MYO5B: variants seen among roughly 807,000 people sequenced by gnomAD.
MYO5B encodes unconventional myosin-Vb.
Under a neutral mutation model 229.3 loss-of-function variants are expected in MYO5B, and 143 were observed. The ratio of observed to expected loss-of-function variants is 0.62; its 90% CI spans 0.54 to 0.72. The LOEUF (loss-of-function observed/expected upper bound fraction) is 0.72. MYO5B is among the 30% of genes least tolerant of loss of function. MYO5B has a pLI of 0.00. For missense variants in MYO5B, 2,321 were observed against 2,331.0 expected, an observed-to-expected ratio of 1.00 and a Z score of 0.09; for synonymous variants, 918 against 885.2, an observed-to-expected ratio of 1.04 and a Z score of -0.66.
At chr18:50,093,886 G>A (rs552353611) in intron 1 of MYO5B, among the ~76,000 whole-genome samples, 1 of 152,302 alleles carries the variant, frequency 6.6e-6, no homozygotes, top group East Asian at 1.9e-4. Flanking sequence ...TGAACCCTCT[G>A]GTTCTGGGAA....
chr18:49,905,258 T>A (rs1431617046), intron 19 of MYO5B, among the ~76,000 whole-genome samples: 1 of 152,202 alleles, frequency 6.6e-6, no homozygotes, highest in African/African-American at 2.4e-5. Context: ...CTGGACCCAC[T>A]GTAGGCACTG....
At chr18:50,133,578 A>T (rs1237155129) in intron 1 of MYO5B, among the ~76,000 whole-genome samples, 1 of 152,092 alleles carries the variant, frequency 6.6e-6, no homozygotes, top group Non-Finnish European at 1.5e-5. Flanking sequence ...AAATCCCTCC[A>T]TCCCTCCGTC....
chr18:50,043,278 TTATATTTA>T lies in MYO5B; in HGVS notation c.139-2972_139-2965del, dbSNP rs1264895861. ...AATATTCATATATTTATAAATATATTTATATTTATATATTATATATAATATATAATATA... is the reference window on the plus strand; with the variant it reads ...AATATTCATATATTTATAAATATATTTATATTATATATAATATATAATATA... On this transcript the variant is annotated intron_variant, in intron 2 of 39. Coordinates refer to ENST00000285039, the MANE Select transcript of MYO5B (RefSeq NM_001080467.3). Among the ~76,000 whole-genome samples, 3 of 100,114 alleles carry T rather than the reference TTATATTTA, an allele frequency of 3.0e-5. No homozygotes were observed. In the South Asian group the frequency reaches 8.7e-4, roughly 29 times the overall value. The allele number at this position is 100,114 out of a possible 152,430, so 65.7% of individuals were successfully genotyped here. A position where few individuals can be genotyped will look rare whatever the true frequency, so the allele number is the denominator to read the frequency against.
At chr18:49,938,286 G>A (rs903368313) in intron 14 of MYO5B, among the ~76,000 whole-genome samples, 2 of 152,126 alleles carry the variant, frequency 1.3e-5, no homozygotes, top group Non-Finnish European at 2.9e-5. Flanking sequence ...CTGTAACAAG[G>A]TGAAGATGCA....
At chr18:50,056,712 C>T (rs1555655059) in intron 1 of MYO5B, among the ~76,000 whole-genome samples, 1 of 149,714 alleles carries the variant, frequency 6.7e-6, no homozygotes, top group Non-Finnish European at 1.5e-5. Flanking sequence ...TTGGTCCTGA[C>T]TTTTTTTTTC....
chr18:50,156,615 C>G (rs997807365), intron 1 of MYO5B, among the ~76,000 whole-genome samples: 1 of 152,174 alleles, frequency 6.6e-6, no homozygotes, highest in Non-Finnish European at 1.5e-5. Context: ...TACCCAGTCT[C>G]GGGAATGTCT....
At chr18:49,929,678 C>T in intron 16 of MYO5B, 80 bp from the exon 17 acceptor site, 1 of 1,262,314 alleles carries the variant, frequency 7.9e-7, no homozygotes, top group South Asian at 1.3e-5. Context: ...AAAAAAGAAT[C>T]TTTTCCTGCA....
At chr18:49,993,897 A>T (rs2025958902) in intron 5 of MYO5B, among the ~76,000 whole-genome samples, 1 of 152,176 alleles carries the variant, frequency 6.6e-6, no homozygotes, top group Non-Finnish European at 1.5e-5. Context: ...TCAAATCCTT[A>T]GCATGGCTTA....
Position 49,906,650 on chromosome 18 carries a change from G to T in MYO5B, c.2203-20C>A. On this transcript the variant is annotated intron_variant, in intron 18 of 39. Coordinates refer to ENST00000285039, the MANE Select transcript of MYO5B (RefSeq NM_001080467.3). ...GGGGTCCTTTACAAGGTAGGGAGGG[G>T]ATCTGGTTGGTCACCAGTGAGCAGA... The T allele has an allele frequency of 6.2e-7, 1 of 1,600,468 alleles. No individual in the cohort carries two copies. Among genetic ancestry groups the T allele is most frequent in the South Asian group, 1.1e-5 (1 of 90,756 alleles).
intron 14 of MYO5B, among the ~76,000 whole-genome samples, chr18:49,937,870 G>T (rs2025268660): frequency 6.6e-6 from 1 of 152,062 alleles, no homozygotes; most frequent in African/African-American, 2.4e-5. Flanking sequence ...CTGCTAAGGG[G>T]GACAGGATTT....
chr18:49,944,861 G>A (rs924821223), intron 14 of MYO5B, among the ~76,000 whole-genome samples: 2 of 152,006 alleles, frequency 1.3e-5, no homozygotes, highest in Admixed American at 6.6e-5. Context: ...CTTCCACGCC[G>A]CTCCTCCTCA....
chr18:49,993,383 C>A (rs1598937428), intron 5 of MYO5B, among the ~76,000 whole-genome samples: 1 of 151,882 alleles, frequency 6.6e-6, no homozygotes, highest in East Asian at 1.9e-4. Flanking sequence ...AACCACGATG[C>A]CCGGCAGCCA....
In MYO5B at chr18:49,841,474, T is replaced by A; in HGVS notation, c.4612-20A>T. ...GTGCTTCTGTGAAAAGAAAAGGACATCCTCAGCTCTAAGTGGCTCCCATCT... is the reference window on the plus strand; with the variant it reads ...GTGCTTCTGTGAAAAGAAAAGGACAACCTCAGCTCTAAGTGGCTCCCATCT... On this transcript the variant is annotated intron_variant, in intron 34 of 39. Coordinates refer to ENST00000285039, the MANE Select transcript of MYO5B (RefSeq NM_001080467.3). The A allele has an allele frequency of 6.2e-7, 1 of 1,606,966 alleles. No homozygotes were observed. The highest frequency in any genetic ancestry group is 8.5e-7 in the Non-Finnish European group (1 of 1,173,608).
At chr18:49,888,898 A>G (rs1278885824) in intron 22 of MYO5B, among the ~76,000 whole-genome samples, 1 of 152,180 alleles carries the variant, frequency 6.6e-6, no homozygotes, top group African/African-American at 2.4e-5. Context: ...TCCTGCTCTG[A>G]CAGGGCCTGC....
At chr18:49,851,246 C>T (rs992850904) in intron 31 of MYO5B, among the ~76,000 whole-genome samples, 2 of 152,098 alleles carry the variant, frequency 1.3e-5, no homozygotes, top group African/African-American at 4.8e-5. Flanking sequence ...AATCCAATAC[C>T]CCTCCCGAAA....
chr18:50,148,469 T>TAA (rs1289615807), intron 1 of MYO5B, among the ~76,000 whole-genome samples: 1 of 151,848 alleles, frequency 6.6e-6, no homozygotes, highest in Non-Finnish European at 1.5e-5. Context: ...AGCAGTACAT[T>TAA]AAAAAGCTTA....
At chr18:49,990,301 G>T (rs1457357350) in intron 7 of MYO5B, 138 bp downstream of exon 7, 3 of 710,392 alleles carry the variant, frequency 4.2e-6, no homozygotes, top group Non-Finnish European at 7.5e-6. Context: ...AATTTAGAGA[G>T]GCCTAGGGGT....
intron 2 of MYO5B, among the ~76,000 whole-genome samples, chr18:50,041,253 G>A (rs1428558666): frequency 1.3e-5 from 2 of 152,120 alleles, no homozygotes; most frequent in Admixed American, 6.6e-5. Context: ...TCTGATACAG[G>A]TGGCTTTTAG....
intron 5 of MYO5B, among the ~76,000 whole-genome samples, chr18:49,996,834 C>T (rs1037374220): frequency 3.9e-5 from 6 of 152,012 alleles, no homozygotes; most frequent in Admixed American, 6.5e-5. Context: ...GACAAAGGGA[C>T]GGGGTTATGT....
Sources: gnomAD v4.1 joint callset for allele counts (sites outside exome capture counted in the v4.1 genomes callset) on GRCh38, gnomAD v4.1.1 for gene constraint, MANE v1.5 for transcripts, NCBI Gene and HGNC (gene_info 2026-07-23, HGNC 2026-07-21) for gene names.